SAMMSON: variants seen among roughly 807,000 people sequenced by gnomAD.
SAMMSON encodes the protein survival associated mitochondrial melanoma specific oncogenic non-coding RNA.
At chr3:70,336,184 T>C (rs1702658868) in intron 7 of SAMMSON, among the ~76,000 whole-genome samples, 1 of 152,032 alleles carries the variant, frequency 6.6e-6, no homozygotes, top group Non-Finnish European at 1.5e-5. Flanking sequence ...GTAATATATA[T>C]CATGGCTTTA....
At chr3:70,026,247 G>T (rs1353645594) in intron 3 of SAMMSON, among the ~76,000 whole-genome samples, 1 of 152,158 alleles carries the variant, frequency 6.6e-6, no homozygotes, top group East Asian at 1.9e-4. Flanking sequence ...TAACTTCTGA[G>T]AACAGGATTT....
rs753758092 is a variant in SAMMSON, at chr3:70,071,277, T to C, written n.418-199T>C. Among the ~76,000 whole-genome samples the C allele has an allele frequency of 4.7e-4, 72 of 151,768 alleles. 1 individual carries two copies. The Middle Eastern group carries it at 0.01, about 22-fold the overall frequency. Reference sequence around the variant, plus strand: ...TCTCCTTTCTTTACAAAATCTTCAGTTATGCGTAGATGCACACATTAGAGA... The same window carrying C: ...TCTCCTTTCTTTACAAAATCTTCAGCTATGCGTAGATGCACACATTAGAGA... On this transcript the variant is annotated intron_variant and non_coding_transcript_variant, in intron 3 of 9. Transcript: ENST00000642114.
chr3:70,142,909 T>C (rs1201706496), intron 4 of SAMMSON, among the ~76,000 whole-genome samples: 1 of 152,072 alleles, frequency 6.6e-6, no homozygotes, highest in African/African-American at 2.4e-5. Flanking sequence ...GCTTTAAGCA[T>C]ACTTGAGTCC....
intron 4 of SAMMSON, among the ~76,000 whole-genome samples, chr3:70,136,861 CCTT>C (rs1350795589): frequency 6.6e-6 from 1 of 151,836 alleles, no homozygotes. Flanking sequence ...AAGTTTTTCT[CCTT>C]AGTTTTTATA....
chr3:70,182,227 C>T lies in SAMMSON; in HGVS notation n.508-66880C>T, dbSNP rs146699104. Among the ~76,000 whole-genome samples the T allele has an allele frequency of 5.5e-4, 83 of 152,140 alleles. No individual in the cohort carries two copies. In the East Asian group the frequency reaches 6.0e-3, roughly 11 times the overall value. On this transcript the variant is annotated intron_variant and non_coding_transcript_variant, in intron 4 of 9. Transcript: ENST00000642114. ...TCTCCCCAACCCCCGCCCCCACCTT[C>T]GAAAGAAAGGGGTGGGGGAGCTGAA... is the stretch of plus-strand genomic sequence containing the variant.
At chr3:70,338,386 G>GT (rs1559567081) in intron 7 of SAMMSON, among the ~76,000 whole-genome samples, 23 of 151,944 alleles carry the variant, frequency 1.5e-4, no homozygotes. Flanking sequence ...ATAGATGATT[G>GT]TGCAGAAGAG....
At chr3:70,367,325 C>G (rs1369121669) in intron 9 of SAMMSON, among the ~76,000 whole-genome samples, 1 of 151,542 alleles carries the variant, frequency 6.6e-6, no homozygotes, top group African/African-American at 2.4e-5. Context: ...TCTTTTCCCC[C>G]ATCTTTCCTA....
chr3:70,099,184 A>G (rs1024319442), intron 4 of SAMMSON, among the ~76,000 whole-genome samples: 1 of 152,218 alleles, frequency 6.6e-6, no homozygotes, highest in African/African-American at 2.4e-5. Context: ...ATTCTTGCAC[A>G]TGTATATTTA....
intron 6 of SAMMSON, among the ~76,000 whole-genome samples, chr3:70,260,828 C>G (rs1701859511): frequency 6.6e-6 from 1 of 152,040 alleles, no homozygotes; most frequent in Admixed American, 6.6e-5. Flanking sequence ...CATCTGCCCA[C>G]CCTTTTAAAA....
At chr3:70,293,801 A>T (rs1702264509) in intron 7 of SAMMSON, among the ~76,000 whole-genome samples, 1 of 152,134 alleles carries the variant, frequency 6.6e-6, no homozygotes, top group Admixed American at 6.6e-5. Context: ...AAGGAAAGAA[A>T]AAAGACCTTA....
chr3:70,330,870 ATGAT>A (rs1358427639), intron 7 of SAMMSON, among the ~76,000 whole-genome samples: 1 of 152,202 alleles, frequency 6.6e-6, no homozygotes, highest in African/African-American at 2.4e-5. Context: ...TAGAATATGA[ATGAT>A]TGAAGTGAAT....
rs191972185 is a variant in SAMMSON, at chr3:70,103,922, C to T, written n.507+32357C>T. ...AAGGTCATTGAATCTTTACGTCTTG[C>T]CCTTCATCCTGAGACTATTTGCATG... On this transcript the variant is annotated intron_variant and non_coding_transcript_variant, in intron 4 of 9. Coordinates refer to ENST00000642114, the Ensembl canonical transcript of SAMMSON. Among the ~76,000 whole-genome samples the T allele has an allele frequency of 1.9e-3, 285 of 151,874 alleles. 2 individuals are homozygous for T. Among genetic ancestry groups the T allele is most frequent in the South Asian group, 4.8e-3 (23 of 4,790 alleles).
rs1308139127 is a variant in SAMMSON, at chr3:70,206,882, T to G, written n.508-42225T>G. On this transcript the variant is annotated intron_variant and non_coding_transcript_variant, in intron 4 of 9. Coordinates refer to ENST00000642114, the Ensembl canonical transcript of SAMMSON. Reference sequence around the variant, plus strand: ...ATGCAGAAATTTTCACATTTGACTTTCCTAAGATTAAAGTCTTAAGAAAAC... The same window carrying G: ...ATGCAGAAATTTTCACATTTGACTTGCCTAAGATTAAAGTCTTAAGAAAAC... 27 of 395,558 alleles carry G rather than the reference T, an allele frequency of 6.8e-5. No homozygotes were observed. In the East Asian group the frequency reaches 9.6e-4, roughly 14 times the overall value. 24.5% of individuals were successfully genotyped at this position (395,558 alleles called of 1,614,324 possible). A position where few individuals can be genotyped will look rare whatever the true frequency, so the allele number is the denominator to read the frequency against.
intron 4 of SAMMSON, among the ~76,000 whole-genome samples, chr3:70,086,837 G>C (rs2067287098): frequency 6.6e-6 from 1 of 152,116 alleles, no homozygotes; most frequent in African/African-American, 2.4e-5. Context: ...AGTGTCCTCA[G>C]TAATTTACAC....
At chr3:70,058,338 A>G (rs901377536) in intron 3 of SAMMSON, among the ~76,000 whole-genome samples, 2 of 151,998 alleles carry the variant, frequency 1.3e-5, no homozygotes, top group African/African-American at 4.8e-5. Context: ...CCTGCAGTTA[A>G]AAGTTTGTCT....
intron 4 of SAMMSON, among the ~76,000 whole-genome samples, chr3:70,178,223 T>C (rs545414673): frequency 9.9e-5 from 15 of 152,162 alleles, no homozygotes; most frequent in Non-Finnish European, 1.8e-4. Flanking sequence ...GGATATTTTC[T>C]GCTTTTCTCT....
intron 3 of SAMMSON, among the ~76,000 whole-genome samples, chr3:70,050,875 C>T (rs1361876840): frequency 1.3e-5 from 2 of 151,934 alleles, no homozygotes; most frequent in African/African-American, 2.4e-5. Flanking sequence ...ATGGCTCACA[C>T]CTGTAATCGC....
intron 4 of SAMMSON, chr3:70,094,624 T>G (rs1156749557): frequency 6.6e-6 from 1 of 152,212 alleles, no homozygotes; most frequent in East Asian, 1.9e-4. Flanking sequence ...CTGGAATGCC[T>G]GTCTCTCTTT....
At chr3:70,206,195 T>C (rs1576154721) in intron 4 of SAMMSON, among the ~76,000 whole-genome samples, 1 of 152,206 alleles carries the variant, frequency 6.6e-6, no homozygotes, top group Admixed American at 6.5e-5. Flanking sequence ...TCCGGCATTT[T>C]AATACTATTT....
Sources: allele counts gnomAD v4.1 joint callset (sites outside exome capture counted in the v4.1 genomes callset), GRCh38; gene constraint gnomAD v4.1.1; transcripts MANE v1.5; gene names NCBI Gene and HGNC (gene_info 2026-07-23, HGNC 2026-07-21).